PJA2: variants seen among roughly 807,000 people sequenced by gnomAD.
PJA2 encodes E3 ubiquitin-protein ligase Praja-2.
PJA2 carries 25 observed loss-of-function variants against 69.3 expected under a neutral mutation model. The observed-to-expected ratio is 0.36, with a 90% confidence interval of 0.26 to 0.50. PJA2 has a LOEUF of 0.50. Among genes scored for constraint, PJA2 ranks in the 20% least tolerant of loss-of-function variants. PJA2 has a pLI of 0.96. For missense variants in PJA2, 809 were observed against 830.2 expected (o/e 0.97, Z 0.31); for synonymous variants, 308 against 277.8 (o/e 1.11, Z -1.08).
At chr5:109,362,651 G>A (rs975518658) in intron 6 of PJA2, among the ~76,000 whole-genome samples, 189 bp downstream of exon 6, 1 of 152,184 alleles carries the variant, frequency 6.6e-6, no homozygotes, top group Admixed American at 6.5e-5. Flanking sequence ...CAAAGGAAGA[G>A]GTCACTGACT....
At position 109,379,003 on chromosome 5, in the gene PJA2, A is replaced by G. The variant is rs1290114446; in HGVS notation, c.484T>C (p.Leu162=). ...SASSVQNGIA[L]VHTDSYDPDG... ...GGATCATAAGAGTCTGTATGAACCA[A>G]TGCAATTCCATTTTGGACACTTGAA... The change falls in exon 4 of 10, where the codon TTG becomes CTG. Residue 162 remains leucine, a synonymous_variant. Transcript: ENST00000361189. 1 of 1,614,172 alleles carries G rather than the reference A, an allele frequency of 6.2e-7. No individual in the cohort carries two copies. The highest frequency in any genetic ancestry group is 1.1e-5 in the South Asian group (1 of 91,076).
chr5:109,361,940 G>T (rs1227118389), intron 6 of PJA2, among the ~76,000 whole-genome samples: 1 of 152,096 alleles, frequency 6.6e-6, no homozygotes, highest in African/African-American at 2.4e-5. Flanking sequence ...CACAGAAAGA[G>T]AAATTAAAGA....
At chr5:109,403,225 G>A (rs375737961) in intron 1 of PJA2, among the ~76,000 whole-genome samples, 5 of 152,098 alleles carry the variant, frequency 3.3e-5, no homozygotes, top group African/African-American at 9.6e-5. Context: ...TTATGACAAC[G>A]AATAAATGAA....
chr5:109,390,052 G>A (rs1747245935), intron 1 of PJA2, among the ~76,000 whole-genome samples: 1 of 151,850 alleles, frequency 6.6e-6, no homozygotes. Context: ...TAAAAATAAT[G>A]TAAAGCCTTC....
intron 7 of PJA2, among the ~76,000 whole-genome samples, chr5:109,349,827 C>T (rs1168392808): frequency 6.6e-6 from 1 of 152,124 alleles, no homozygotes; most frequent in Non-Finnish European, 1.5e-5. Context: ...TGTTACTCTA[C>T]TTCTTTGTTC....
At chr5:109,407,453 C>T (rs1038914909) in intron 1 of PJA2, among the ~76,000 whole-genome samples, 1 of 152,148 alleles carries the variant, frequency 6.6e-6, no homozygotes, top group Non-Finnish European at 1.5e-5. Context: ...ATAATTAATG[C>T]TAAAACATTA....
At chr5:109,379,386 C>G (rs182649910) in intron 3 of PJA2, 132 bp from the exon 4 acceptor site, 4 of 667,526 alleles carry the variant, frequency 6.0e-6, no homozygotes, top group Admixed American at 5.9e-5. Flanking sequence ...ATTTACCAAG[C>G]ACTTCTATGC....
rs537264143 is a variant in PJA2 at position 109,362,383 on chromosome 5, G to A, written c.1652+457C>T. Among the ~76,000 whole-genome samples, 9 of 145,132 alleles carry A rather than the reference G, an allele frequency of 6.2e-5. No homozygotes were observed. The South Asian group carries it at 1.1e-3, about 18-fold the overall frequency. ...AAATTAAATGCTTTCAACATCTCCTGGAAAGTAAAATTTTATCTTCCATAT... is the reference window on the plus strand; with the variant it reads ...AAATTAAATGCTTTCAACATCTCCTAGAAAGTAAAATTTTATCTTCCATAT... On this transcript the variant is annotated intron_variant, in intron 6 of 9. Transcript: ENST00000361189.
intron 9 of PJA2, among the ~76,000 whole-genome samples, chr5:109,341,054 G>A (rs1382768697): frequency 6.9e-6 from 1 of 145,946 alleles, no homozygotes; most frequent in African/African-American, 2.5e-5. Flanking sequence ...CCTCTGCCCG[G>A]CTGCCACCCC....
intron 1 of PJA2, among the ~76,000 whole-genome samples, chr5:109,384,909 A>G (rs915481700): frequency 1.3e-5 from 2 of 151,742 alleles, no homozygotes; most frequent in African/African-American, 4.8e-5. Context: ...CTTCCACCTC[A>G]CGGGTTCAAG....
intron 1 of PJA2, among the ~76,000 whole-genome samples, chr5:109,386,862 T>C (rs115617049): frequency 0.023 from 1,057 of 45,240 alleles, 12 homozygotes; most frequent in African/African-American, 0.085. Flanking sequence ...AATTTTTCTG[T>C]CTGGAATATT....
rs773593314 is a variant in PJA2 at position 109,363,029 on chromosome 5, C to A, written c.1470-7G>T. ...TTCCAAGGATGTCTGTTCCCTAGTA[C>A]AAACATTTTAAAGGAAGAAAAAAAT... On this transcript the variant is annotated splice_polypyrimidine_tract_variant and splice_region_variant and intron_variant, in intron 5 of 9. Coordinates refer to ENST00000361189, the MANE Select transcript of PJA2 (RefSeq NM_014819.5). The A allele has an allele frequency of 2.6e-6, 4 of 1,559,482 alleles. No individual in the cohort carries two copies. The highest frequency in any genetic ancestry group is 2.6e-6 in the Non-Finnish European group (3 of 1,144,714).
At position 109,344,750 on chromosome 5, in the gene PJA2, T is replaced by A; in HGVS notation, c.1834A>T (p.Ser612Cys). 1.9e-6 allele frequency: 3 copies of A among 1,614,108 alleles called. No individual in the cohort carries two copies. Among genetic ancestry groups the A allele is most frequent in the Non-Finnish European group, 2.5e-6 (3 of 1,179,972 alleles). Residue 612 changes from serine to cysteine, a missense_variant, in exon 8 of 10, where the codon AGC (serine) becomes TGC (cysteine). Coordinates refer to ENST00000361189, the MANE Select transcript of PJA2 (RefSeq NM_014819.5). ...AGGGTCTCTGGAAGACCATCAATGC[T>A]TTCCTTACTAGCTGGTGGATTGGCC... ...EVANPPASKE[S>C]IDGLPETLVL... is the part of the protein sequence containing the mutation.
In PJA2 at chr5:109,336,940, C is replaced by T; in HGVS notation, c.*291G>A. 1 of 180,160 alleles carries T rather than the reference C, an allele frequency of 5.6e-6. No homozygotes were observed. The highest frequency in any genetic ancestry group is 1.1e-5 in the Non-Finnish European group (1 of 87,646). The allele number at this position is 180,160 out of a possible 1,614,324, so 11.2% of individuals were successfully genotyped here. A position where few individuals can be genotyped will look rare whatever the true frequency, so the allele number is the denominator to read the frequency against. On this transcript the variant is annotated 3_prime_UTR_variant, in exon 10 of 10. Transcript: ENST00000361189. ...GACAAAGCCAATAACGTATGCCACA[C>T]AGATGATTATTTATTCTGGAGAGAG...
intron 1 of PJA2, among the ~76,000 whole-genome samples, chr5:109,388,775 A>G (rs1747218781): frequency 6.6e-6 from 1 of 152,184 alleles, no homozygotes; most frequent in Non-Finnish European, 1.5e-5. Flanking sequence ...TCTCATATTT[A>G]TATTTACATA....
intron 1 of PJA2, among the ~76,000 whole-genome samples, chr5:109,397,479 C>T (rs1747439768): frequency 6.6e-6 from 1 of 151,710 alleles, no homozygotes; most frequent in Non-Finnish European, 1.5e-5. Context: ...AACCCTTCCT[C>T]AACACTTCTC....
In PJA2 at chr5:109,352,973, TTA is replaced by T. The variant is rs1762284231; in HGVS notation, c.1764+2940_1764+2941del. On this transcript the variant is annotated intron_variant, in intron 7 of 9. Coordinates refer to ENST00000361189, the MANE Select transcript of PJA2 (RefSeq NM_014819.5). ...TATTATATCTATAGACATCTATATATTAGATACCTATATCTATAGATATCTAT... is the reference window on the plus strand; with the variant it reads ...TATTATATCTATAGACATCTATATATGATACCTATATCTATAGATATCTAT... Among the ~76,000 whole-genome samples, 6 of 35,582 alleles carry T rather than the reference TTA, an allele frequency of 1.7e-4. 1 individual carries two copies. The South Asian group carries it at 3.8e-3, about 23-fold the overall frequency. 23.3% of individuals were successfully genotyped at this position (35,582 alleles called of 152,430 possible).
chr5:109,369,363 T>C (rs916490084), intron 4 of PJA2, among the ~76,000 whole-genome samples: 1 of 152,184 alleles, frequency 6.6e-6, no homozygotes, highest in Non-Finnish European at 1.5e-5. Context: ...ATATGGCATA[T>C]GGCAAGTTAT....
Position 109,378,524 on chromosome 5 carries a change from C to T in PJA2, c.963G>A (p.Leu321=), listed in dbSNP as rs1206704316. 5 of 1,614,134 alleles carry T rather than the reference C, an allele frequency of 3.1e-6. No individual in the cohort carries two copies. Among genetic ancestry groups the T allele is most frequent in the South Asian group, 1.1e-5 (1 of 91,076 alleles). ...CTTGGTCCACCTGGCTTGAACTTAT[C>T]AGTTTTCTAACTTTTGGCCTCACTA... ...EQVVRPKVRK[L]ISSSQVDQET... is the part of the protein sequence containing the mutation. The change falls in exon 4 of 10, where the codon CTG becomes CTA. Residue 321 remains leucine, a synonymous_variant. Coordinates refer to ENST00000361189, the MANE Select transcript of PJA2 (RefSeq NM_014819.5).
Sources: allele counts gnomAD v4.1 joint callset (sites outside exome capture counted in the v4.1 genomes callset), GRCh38; gene constraint gnomAD v4.1.1; transcripts MANE v1.5; gene names NCBI Gene and HGNC (gene_info 2026-07-23, HGNC 2026-07-21).